Variants in UBAP2L observed in about 807,000 individuals in gnomAD.
UBAP2L encodes ubiquitin-associated protein 2-like.
Under a neutral mutation model 130.6 loss-of-function variants are expected in UBAP2L, and 12 were observed. The observed-to-expected ratio is 0.09, with a 90% confidence interval of 0.06 to 0.15. The LOEUF (loss-of-function observed/expected upper bound fraction) is 0.15. Among genes scored for constraint, UBAP2L ranks in the 10% least tolerant of loss-of-function variants. The probability of loss-of-function intolerance (pLI) is 1.00; values close to 1 mark genes in which losing one functional copy is unlikely to be tolerated. For synonymous variants in UBAP2L, 503 were observed against 524.7 expected (o/e 0.96, Z 0.57); for missense variants, 965 against 1,332.5 (o/e 0.72, Z 4.29).
In UBAP2L at chr1:154,251,199, A is replaced by G. The variant is rs145528280; in HGVS notation, c.1372A>G (p.Ser458Gly). The stretch of plus-strand genomic sequence containing the variant: ...TCCACCTCCGTCTTCTCCTCTGCCA[A>G]GCAAATCCACATCGGCTCCACAGAT... ...APPPPSSPLP[S>G]KSTSAPQMSP... The change falls in exon 13 of 27, where the codon AGC becomes GGC. Residue 458 changes from serine to glycine, a missense_variant. By Grantham distance (56) the Ser-to-Gly change is moderately conservative (BLOSUM62 0). Coordinates refer to ENST00000428931, the MANE Select transcript of UBAP2L (RefSeq NM_014847.4). 5.6e-6 allele frequency: 9 copies of G among 1,614,018 alleles called. No individual in the cohort carries two copies. The African/African-American group carries it at 6.7e-5, about 12-fold the overall frequency.
chr1:154,243,095 GTAGA>G (rs1037450583), intron 9 of UBAP2L, 118 bp from the exon 10 acceptor site: 1 of 731,360 alleles, frequency 1.4e-6, no homozygotes, highest in Non-Finnish European at 2.4e-6. Flanking sequence ...ATTCCTCAGG[GTAGA>G]TAGTTTTCTC....
At chr1:154,264,083 G>A (rs906742473) in intron 24 of UBAP2L, among the ~76,000 whole-genome samples, 1 of 152,200 alleles carries the variant, frequency 6.6e-6, no homozygotes, top group African/African-American at 2.4e-5. Flanking sequence ...TGCAGGAGCG[G>A]TTTGGTCAGA....
At chr1:154,236,544 CT>C in intron 6 of UBAP2L, 21 bp from the exon 7 acceptor site, 9 of 1,613,774 alleles carry the variant, frequency 5.6e-6, no homozygotes, top group Non-Finnish European at 7.6e-6. Context: ...TCTCTCTTCT[CT>C]TTTTCTCATT....
chr1:154,221,427 C>G (rs902184621), intron 1 of UBAP2L: 1 of 152,924 alleles, frequency 6.5e-6, no homozygotes, highest in Non-Finnish European at 1.5e-5. Flanking sequence ...CGGCCGGTGC[C>G]TGCGGAGGAG....
chr1:154,221,671 G>T (rs993355193), intron 1 of UBAP2L, among the ~76,000 whole-genome samples: 3 of 152,208 alleles, frequency 2.0e-5, no homozygotes, highest in African/African-American at 7.2e-5. Flanking sequence ...TCCTCCACCC[G>T]TGGGCTTGCG....
At chr1:154,251,795 C>T (rs1677685876) in intron 14 of UBAP2L, 142 bp downstream of exon 14, 17 of 916,772 alleles carry the variant, frequency 1.9e-5, no homozygotes, top group Non-Finnish European at 2.7e-5. Flanking sequence ...ATTTTTAGTG[C>T]TTTAAAATAT....
rs1433002833 is a variant in UBAP2L at position 154,255,753 on chromosome 1, T to G, written c.2155T>G (p.Leu719Val). The G allele has an allele frequency of 6.2e-7, 1 of 1,614,102 alleles. No individual in the cohort carries two copies. Among genetic ancestry groups the G allele is most frequent in the Non-Finnish European group, 8.5e-7 (1 of 1,179,974 alleles). ...SSGRTSTSTL[L>V]HTSVESEANL... is the part of the protein sequence containing the mutation. Reference sequence around the variant, plus strand: ...TGGGCGCACTTCGACATCCACTCTTTTGGTAAGTGTGATGCTGAGAGGGAT... The same window carrying G: ...TGGGCGCACTTCGACATCCACTCTTGTGGTAAGTGTGATGCTGAGAGGGAT... The change falls in exon 18 of 27, where the codon TTG (leucine) becomes GTG (valine). Residue 719 changes from leucine (L) to valine (V), a missense_variant and splice_region_variant. Transcript: ENST00000428931.
At position 154,251,025 on chromosome 1, in the gene UBAP2L, G is replaced by C. The variant is rs1158490308; in HGVS notation, c.1214-16G>C. The C allele has an allele frequency of 2.5e-6, 4 of 1,596,912 alleles. No individual in the cohort carries two copies. The African/African-American group carries it at 4.0e-5, about 16-fold the overall frequency. On this transcript the variant is annotated splice_polypyrimidine_tract_variant and intron_variant, in intron 12 of 26. Coordinates refer to ENST00000428931, the MANE Select transcript of UBAP2L (RefSeq NM_014847.4). Reference sequence around the variant, plus strand: ...ATTAGCATCTCTGGCTTCATATACTGGGTTTCCTCTTGCAGATTTGAAGAA... The same window carrying C: ...ATTAGCATCTCTGGCTTCATATACTCGGTTTCCTCTTGCAGATTTGAAGAA...
chr1:154,227,227 T>A, intron 2 of UBAP2L, 55 bp from the exon 3 acceptor site: 1 of 1,499,768 alleles, frequency 6.7e-7, no homozygotes, highest in South Asian at 1.1e-5. Flanking sequence ...TAGGTTCCTG[T>A]TCTCTAAACT....
chr1:154,228,927 C>G (rs551225337), intron 4 of UBAP2L, among the ~76,000 whole-genome samples: 1 of 152,172 alleles, frequency 6.6e-6, no homozygotes, highest in African/African-American at 2.4e-5. Context: ...GAGGATAATG[C>G]TCATAGGAGA....
upstream of UBAP2L, chr1:154,220,647 G>A: frequency 1.7e-6 from 1 of 575,308 alleles, no homozygotes; most frequent in Non-Finnish European, 3.1e-6. Context: ...TGGCACCCAG[G>A]AGCGTCGAGC....
At chr1:154,230,182 A>AT (rs1214146722) in intron 4 of UBAP2L, among the ~76,000 whole-genome samples, 4 of 151,904 alleles carry the variant, frequency 2.6e-5, no homozygotes, top group Non-Finnish European at 5.9e-5. Flanking sequence ...AATTTTTTGT[A>AT]TTTTAGTGGA....
intron 24 of UBAP2L, among the ~76,000 whole-genome samples, chr1:154,265,670 A>T (rs930412940): frequency 2.0e-5 from 3 of 151,968 alleles, no homozygotes; most frequent in African/African-American, 7.3e-5. Context: ...ATGTTGTACT[A>T]CTCTGGTTTC....
intron 9 of UBAP2L, 56 bp from the exon 10 acceptor site, chr1:154,243,161 A>G (rs1462926146): frequency 2.7e-6 from 4 of 1,492,432 alleles, no homozygotes; most frequent in African/African-American, 2.8e-5. Context: ...ACCTATGCCA[A>G]GTTTCTGACT....
chr1:154,227,425 A>G lies in UBAP2L; in HGVS notation c.168+66A>G. Reference sequence around the variant, plus strand: ...TACCAGTATTAAGGCATAATCAAATACTGTAGATGGATGCCAGGATACTTT... The same window carrying G: ...TACCAGTATTAAGGCATAATCAAATGCTGTAGATGGATGCCAGGATACTTT... On this transcript the variant is annotated intron_variant, in intron 3 of 26. Transcript: ENST00000428931. 12 of 1,380,996 alleles carry G rather than the reference A, an allele frequency of 8.7e-6. No individual in the cohort carries two copies. In the South Asian group the frequency reaches 1.3e-4, roughly 15 times the overall value. The allele number at this position is 1,380,996 out of a possible 1,614,324, so 85.5% of individuals were successfully genotyped here.
At chr1:154,233,116 C>T (rs7554731) in intron 4 of UBAP2L, among the ~76,000 whole-genome samples, 4,382 of 151,882 alleles carry the variant, frequency 0.029, 205 homozygotes, top group African/African-American at 0.098. Flanking sequence ...TGGGTTCAAG[C>T]GATTCTCCTG....
At chr1:154,249,924 T>C (rs1457680630) in intron 12 of UBAP2L, among the ~76,000 whole-genome samples, 5 of 151,836 alleles carry the variant, frequency 3.3e-5, no homozygotes, top group African/African-American at 1.2e-4. Flanking sequence ...CTTCTGTTGA[T>C]TGGGGTTTTA....
At chr1:154,259,129 C>T in intron 21 of UBAP2L, 99 bp downstream of exon 21, 1 of 1,047,682 alleles carries the variant, frequency 9.5e-7, no homozygotes, top group Non-Finnish European at 1.5e-6. Context: ...CCATCCCAGC[C>T]CTCCATACAC....
upstream of UBAP2L, chr1:154,220,740 G>A: frequency 3.0e-6 from 1 of 332,466 alleles, no homozygotes; most frequent in Non-Finnish European, 5.7e-6. Context: ...CCGTGAAGGA[G>A]GCGGGGTGGA....
Sources: gnomAD v4.1 joint callset for allele counts (sites outside exome capture counted in the v4.1 genomes callset) on GRCh38, gnomAD v4.1.1 for gene constraint, MANE v1.5 for transcripts, NCBI Gene and HGNC (gene_info 2026-07-23, HGNC 2026-07-21) for gene names.